Variants in OPCML observed in about 807,000 individuals in gnomAD.
The protein encoded by OPCML is opioid binding protein/cell adhesion molecule like.
Under a neutral mutation model 37.8 loss-of-function variants are expected in OPCML, and 13 were observed. The observed-to-expected ratio is 0.34, with a 90% CI of 0.22 to 0.55. The LOEUF is 0.55. Ranked by LOEUF, OPCML falls within the 20% of genes least tolerant of loss-of-function variation. The pLI is 0.91. For synonymous variants in OPCML, 176 were observed against 168.8 expected (o/e 1.04, Z -0.33); for missense variants, 341 against 435.6 (o/e 0.78, Z 1.93).
intron 3 of OPCML, among the ~76,000 whole-genome samples, chr11:132,558,958 AC>A (rs2096404380): frequency 6.6e-6 from 1 of 152,148 alleles, no homozygotes; most frequent in Non-Finnish European, 1.5e-5. Context: ...ATGGCTGACC[AC>A]CAGCAAGCGC....
At chr11:132,654,509 C>T (rs1421114220) in intron 3 of OPCML, among the ~76,000 whole-genome samples, 1 of 150,586 alleles carries the variant, frequency 6.6e-6, no homozygotes, top group Non-Finnish European at 1.5e-5. Flanking sequence ...GAAGCTCTTC[C>T]CCAAGAGAAG....
rs1439158073 is a variant in OPCML, at chr11:133,141,045, C to CGAAGACGAAGACGAAGACGAAGACGAA, written c.62-198036_62-198035insTTCGTCTTCGTCTTCGTCTTCGTCTTC. Among the ~76,000 whole-genome samples the CGAAGACGAAGACGAAGACGAAGACGAA allele has an allele frequency of 2.1e-3, 7 of 3,358 alleles. 2 individuals are homozygous for CGAAGACGAAGACGAAGACGAAGACGAA. The highest frequency in any genetic ancestry group is 3.0e-3 in the Non-Finnish European group (2 of 656). 2.2% of individuals were successfully genotyped at this position (3,358 alleles called of 152,430 possible). A position where few individuals can be genotyped will look rare whatever the true frequency, so the allele number is the denominator to read the frequency against. On this transcript the variant is annotated intron_variant, in intron 1 of 7. Coordinates refer to ENST00000524381, the MANE Select transcript of OPCML (RefSeq NM_001012393.5). ...ACGACGACGACGACGACGACGACGA[C>CGAAGACGAAGACGAAGACGAAGACGAA]GACGAAGAAGAAGAAGAAGAAGAAG...
chr11:132,773,135 C>T (rs1268794480), intron 2 of OPCML: 2 of 152,202 alleles, frequency 1.3e-5, no homozygotes, highest in Non-Finnish European at 2.9e-5. Context: ...TCTGATGACA[C>T]ATCCTCTTTT....
chr11:133,022,868 A>G (rs1170269680), intron 1 of OPCML, among the ~76,000 whole-genome samples: 1 of 152,208 alleles, frequency 6.6e-6, no homozygotes, highest in East Asian at 1.9e-4. Flanking sequence ...TCCTTTTGCA[A>G]TTAAGAGAGG....
At chr11:133,438,848 A>T (rs1431275594) in intron 1 of OPCML, among the ~76,000 whole-genome samples, 1 of 152,148 alleles carries the variant, frequency 6.6e-6, no homozygotes, top group Non-Finnish European at 1.5e-5. Context: ...TGAAACCTTC[A>T]TGAAAGCCCC....
chr11:132,477,448 C>T (rs73585050), intron 4 of OPCML, among the ~76,000 whole-genome samples: 1,756 of 152,250 alleles, frequency 0.012, 24 homozygotes, highest in African/African-American at 0.037. Flanking sequence ...TCAGTCCAGC[C>T]GAACTTGGAG....
chr11:132,654,273 T>C (rs1409213607), intron 3 of OPCML, among the ~76,000 whole-genome samples: 2 of 152,218 alleles, frequency 1.3e-5, no homozygotes, highest in Admixed American at 1.3e-4. Context: ...CTGTGGCCTC[T>C]CAGTAAAGGT....
chr11:132,648,369 T>G (rs1363430486), intron 3 of OPCML, among the ~76,000 whole-genome samples: 1 of 152,204 alleles, frequency 6.6e-6, no homozygotes, highest in Non-Finnish European at 1.5e-5. Context: ...GAGATCACCA[T>G]GCAAATTCAG....
At chr11:132,825,683 C>T (rs1389706820) in intron 2 of OPCML, among the ~76,000 whole-genome samples, 1 of 152,170 alleles carries the variant, frequency 6.6e-6, no homozygotes, top group Non-Finnish European at 1.5e-5. Context: ...CAAATTTACA[C>T]CCATGTGTGA....
chr11:132,670,964 G>T (rs1305839120), intron 2 of OPCML, among the ~76,000 whole-genome samples: 1 of 152,152 alleles, frequency 6.6e-6, no homozygotes, highest in South Asian at 2.1e-4. Context: ...AGACTGTGCT[G>T]CCTCAAGTTT....
intron 4 of OPCML, among the ~76,000 whole-genome samples, chr11:132,460,141 C>T (rs567462109): frequency 5.9e-5 from 9 of 152,140 alleles, no homozygotes; most frequent in African/African-American, 2.2e-4. Context: ...ATGCTGAAAA[C>T]TCATGCGTTC....
At chr11:132,509,578 C>T (rs28878005) in intron 4 of OPCML, among the ~76,000 whole-genome samples, 30,446 of 152,112 alleles carry the variant, frequency 0.2, 3,142 homozygotes, top group Non-Finnish European at 0.22. Context: ...TGCCCTGTGT[C>T]GCAGCTGAGC....
At position 133,005,178 on chromosome 11, in the gene OPCML, A is replaced by C. The variant is rs958934856; in HGVS notation, c.62-62168T>G. The C allele has an allele frequency of 1.5e-5, 15 of 985,294 alleles. No individual in the cohort carries two copies. In the African/African-American group the frequency reaches 2.6e-4, roughly 17 times the overall value. The allele number at this position is 985,294 out of a possible 1,614,324, so 61.0% of individuals were successfully genotyped here. A position where few individuals can be genotyped will look rare whatever the true frequency, so the allele number is the denominator to read the frequency against. ...CACTGACCCTCCACCCAATCTCTCTAGCCCGGGTTTTCAGCCATATCCCCA... is the reference window on the plus strand; with the variant it reads ...CACTGACCCTCCACCCAATCTCTCTCGCCCGGGTTTTCAGCCATATCCCCA... On this transcript the variant is annotated intron_variant, in intron 1 of 7. Coordinates refer to ENST00000524381, the MANE Select transcript of OPCML (RefSeq NM_001012393.5).
chr11:133,053,250 C>T (rs1948164347), intron 1 of OPCML, among the ~76,000 whole-genome samples: 1 of 152,214 alleles, frequency 6.6e-6, no homozygotes, highest in Non-Finnish European at 1.5e-5. Context: ...ATGGAGACTG[C>T]TTGGCACAGT....
At chr11:132,932,268 G>A (rs961349326) in intron 2 of OPCML, among the ~76,000 whole-genome samples, 3 of 152,094 alleles carry the variant, frequency 2.0e-5, no homozygotes, top group Non-Finnish European at 4.4e-5. Context: ...TGTACTTAAT[G>A]CCACCGAACT....
At chr11:132,752,389 G>A (rs989796079) in intron 2 of OPCML, among the ~76,000 whole-genome samples, 1 of 152,006 alleles carries the variant, frequency 6.6e-6, no homozygotes, top group Non-Finnish European at 1.5e-5. Flanking sequence ...CCACTTACAG[G>A]CTTTCATCAA....
chr11:132,930,978 T>C (rs1294569003), intron 2 of OPCML, among the ~76,000 whole-genome samples: 2 of 152,122 alleles, frequency 1.3e-5, no homozygotes, highest in South Asian at 2.1e-4. Context: ...TACAGACCAA[T>C]GGAATGAAAT....
intron 1 of OPCML, among the ~76,000 whole-genome samples, chr11:132,991,117 CGCA>C (rs1230765516): frequency 2.6e-5 from 4 of 152,152 alleles, no homozygotes; most frequent in Non-Finnish European, 5.9e-5. Context: ...TACAGCAATT[CGCA>C]CTGGACACAC....
chr11:133,524,825 C>T (rs989017980), intron 1 of OPCML, among the ~76,000 whole-genome samples: 1 of 152,246 alleles, frequency 6.6e-6, no homozygotes, highest in African/African-American at 2.4e-5. Flanking sequence ...GCTTCTTGCC[C>T]TCATTCTGCA....
Sources: gnomAD v4.1 joint callset for allele counts (sites outside exome capture counted in the v4.1 genomes callset) on GRCh38, gnomAD v4.1.1 for gene constraint, MANE v1.5 for transcripts, NCBI Gene and HGNC (gene_info 2026-07-23, HGNC 2026-07-21) for gene names.